The following ST6GALNAC3 variants were observed in gnomAD, a reference collection of about 807,000 sequenced individuals.
The protein encoded by ST6GALNAC3 is alpha-N-acetylgalactosaminide alpha-2,6-sialyltransferase 3.
A neutral mutation model predicts 32.7 loss-of-function variants in ST6GALNAC3; 25 were observed. That is an observed-to-expected ratio of 0.76 (90% CI 0.56 to 1.07). The LOEUF (loss-of-function observed/expected upper bound fraction) is 1.07, where lower values mean the gene tolerates loss of function less well. ST6GALNAC3 is among the 50% of genes least tolerant of loss of function. The pLI, the probability that ST6GALNAC3 is intolerant of heterozygous loss-of-function variation, is 0.00. For missense variants in ST6GALNAC3, 355 were observed against 382.4 expected, an observed-to-expected ratio of 0.93 and a Z score of 0.60; for synonymous variants, 129 against 133.1, an observed-to-expected ratio of 0.97 and a Z score of 0.21.
intron 1 of ST6GALNAC3, chr1:76,305,771 A>T (rs914861465): frequency 1.0e-5 from 4 of 390,040 alleles, no homozygotes; most frequent in African/African-American, 8.3e-5. Context: ...ATGAAGTTTA[A>T]TGAGTGTTAT....
chr1:76,119,862 C>T (rs555616377), intron 1 of ST6GALNAC3, among the ~76,000 whole-genome samples: 2 of 79,950 alleles, frequency 2.5e-5, no homozygotes, highest in Admixed American at 2.7e-4. Flanking sequence ...GGAATTGGTC[C>T]TTAACTGGCA....
rs528813231 is a variant in ST6GALNAC3, at chr1:76,289,789, A to C, written c.19-24016A>C. On this transcript the variant is annotated intron_variant, in intron 1 of 4. Coordinates refer to ENST00000328299, the MANE Select transcript of ST6GALNAC3 (RefSeq NM_152996.4). Reference sequence around the variant, plus strand: ...AGGGCCTGATGTAGGCTCCGCCTTAAGGCCATCACATTCACTGCTTGGTTA... The same window carrying C: ...AGGGCCTGATGTAGGCTCCGCCTTACGGCCATCACATTCACTGCTTGGTTA... Among the ~76,000 whole-genome samples the C allele has an allele frequency of 4.5e-4, 69 of 152,326 alleles. No individual in the cohort carries two copies. In the South Asian group the frequency reaches 5.0e-3, roughly 11 times the overall value.
At chr1:76,139,832 A>T (rs756219347) in intron 1 of ST6GALNAC3, among the ~76,000 whole-genome samples, 8 of 152,156 alleles carry the variant, frequency 5.3e-5, no homozygotes, top group Middle Eastern at 3.2e-3. Flanking sequence ...GATCTTTCAG[A>T]TTCTAACTCT....
At chr1:76,208,843 T>C (rs546789923) in intron 1 of ST6GALNAC3, among the ~76,000 whole-genome samples, 1 of 152,180 alleles carries the variant, frequency 6.6e-6, no homozygotes, top group Non-Finnish European at 1.5e-5. Flanking sequence ...ATTCTAGGGG[T>C]ATTTTTTTCA....
chr1:76,168,564 GGT>G (rs2100408403), intron 1 of ST6GALNAC3, among the ~76,000 whole-genome samples: 1 of 152,170 alleles, frequency 6.6e-6, no homozygotes, highest in East Asian at 1.9e-4. Context: ...ATTGTCATTG[GGT>G]GTTAAAGTCT....
At chr1:76,582,278 G>A (rs1570359409) in intron 3 of ST6GALNAC3, among the ~76,000 whole-genome samples, 1 of 152,154 alleles carries the variant, frequency 6.6e-6, no homozygotes, top group South Asian at 2.1e-4. Context: ...TTCAAACCTA[G>A]TTTGAGTTGT....
intron 3 of ST6GALNAC3, among the ~76,000 whole-genome samples, chr1:76,531,124 G>A (rs1663226002): frequency 6.6e-6 from 1 of 152,182 alleles, no homozygotes; most frequent in Non-Finnish European, 1.5e-5. Flanking sequence ...CCCAGCAAGG[G>A]GTGAGAAGCC....
chr1:76,088,132 C>T (rs376551406), intron 1 of ST6GALNAC3, among the ~76,000 whole-genome samples: 15 of 152,288 alleles, frequency 9.8e-5, no homozygotes, highest in African/African-American at 3.6e-4. Flanking sequence ...ACTTAATCCT[C>T]ATTTTACAGG....
downstream of ST6GALNAC3, among the ~76,000 whole-genome samples, chr1:76,636,382 C>CT (rs35950056): frequency 4.0e-5 from 6 of 151,872 alleles, no homozygotes; most frequent in East Asian, 1.9e-4. Context: ...AGAGATTAGC[C>CT]TTTTTTTTCA....
Position 76,437,700 on chromosome 1 carries a change from C to T in ST6GALNAC3, c.623+25283C>T, listed in dbSNP as rs1571226134. ...TCAAGCTATTCTCCTGCCTCAGCCT[C>T]CTGAGTAGCTGGGACTACAGGCACG... is the stretch of plus-strand genomic sequence containing the variant. On this transcript the variant is annotated intron_variant, in intron 3 of 4. Transcript: ENST00000328299. 2.6e-5 allele frequency among the ~76,000 whole-genome samples: 4 copies of T among 151,736 alleles called. No homozygotes were observed. In the East Asian group the frequency reaches 7.9e-4, roughly 30 times the overall value.
chr1:76,198,192 A>C (rs770068291), intron 1 of ST6GALNAC3, among the ~76,000 whole-genome samples: 1 of 152,086 alleles, frequency 6.6e-6, no homozygotes, highest in Non-Finnish European at 1.5e-5. Flanking sequence ...ATGTGCCACC[A>C]CACCCAGCTA....
intron 1 of ST6GALNAC3, among the ~76,000 whole-genome samples, chr1:76,272,907 G>A (rs920149166): frequency 3.3e-5 from 5 of 152,180 alleles, no homozygotes; most frequent in African/African-American, 7.2e-5. Flanking sequence ...TGCTTTTGGC[G>A]TCTTGATGGA....
chr1:76,570,869 A>G (rs975040868), intron 3 of ST6GALNAC3, among the ~76,000 whole-genome samples: 1 of 151,970 alleles, frequency 6.6e-6, no homozygotes, highest in African/African-American at 2.4e-5. Context: ...GATTTCATAC[A>G]GGCCCATGTC....
intron 3 of ST6GALNAC3, among the ~76,000 whole-genome samples, chr1:76,522,613 A>T (rs1662616984): frequency 6.6e-6 from 1 of 152,116 alleles, no homozygotes; most frequent in Non-Finnish European, 1.5e-5. Flanking sequence ...ATTTCTAGAA[A>T]TCCCATCTCA....
At chr1:76,588,300 T>G (rs763319313) in intron 3 of ST6GALNAC3, among the ~76,000 whole-genome samples, 2 of 152,090 alleles carry the variant, frequency 1.3e-5, no homozygotes, top group African/African-American at 2.4e-5. Context: ...ATAAAGTGTA[T>G]GATCCCTTCC....
intron 3 of ST6GALNAC3, among the ~76,000 whole-genome samples, chr1:76,520,671 A>G (rs1007248599): frequency 6.6e-6 from 1 of 151,762 alleles, no homozygotes; most frequent in African/African-American, 2.4e-5. Flanking sequence ...TTTTTTTTTA[A>G]TTGGTTGCAT....
At chr1:76,337,195 C>G (rs1053222550) in intron 2 of ST6GALNAC3, among the ~76,000 whole-genome samples, 3 of 152,224 alleles carry the variant, frequency 2.0e-5, no homozygotes, top group Admixed American at 2.0e-4. Context: ...AACCCCCGCC[C>G]CTTGGACAAG....
chr1:76,378,990 G>A (rs997179539), intron 2 of ST6GALNAC3, among the ~76,000 whole-genome samples: 13 of 152,198 alleles, frequency 8.5e-5, no homozygotes, highest in South Asian at 2.1e-4. Context: ...TCTGCCGCCC[G>A]AGCGGCAAGT....
At chr1:76,498,903 A>C (rs904215829) in intron 3 of ST6GALNAC3, among the ~76,000 whole-genome samples, 2 of 152,194 alleles carry the variant, frequency 1.3e-5, no homozygotes, top group African/African-American at 4.8e-5. Context: ...TAAAAAAGAA[A>C]GATAAATTTG....
Sources: allele counts gnomAD v4.1 joint callset (sites outside exome capture counted in the v4.1 genomes callset), GRCh38; gene constraint gnomAD v4.1.1; transcripts MANE v1.5; gene names NCBI Gene and HGNC (gene_info 2026-07-23, HGNC 2026-07-21).